WNT2B: variants seen among roughly 807,000 people sequenced by gnomAD.
The protein encoded by WNT2B is protein Wnt-2b.
In WNT2B, 19 loss-of-function variants were observed where a neutral mutation model predicts 40.5. The observed-to-expected ratio is 0.47, with a 90% CI of 0.33 to 0.69. The LOEUF (loss-of-function observed/expected upper bound fraction) is 0.69. WNT2B is among the 30% of genes least tolerant of loss of function. The pLI, the probability that WNT2B is intolerant of heterozygous loss-of-function variation, is 0.02. For synonymous variants in WNT2B, 220 were observed against 211.9 expected (o/e 1.04, Z -0.33); for missense variants, 467 against 556.4 (o/e 0.84, Z 1.62).
Position 112,530,119 on chromosome 1 carries a change from A to T in WNT2B, c.*9610A>T, listed in dbSNP as rs1654127957. On this transcript the variant is annotated 3_prime_UTR_variant, in exon 5 of 5. Coordinates refer to ENST00000369684, the MANE Select transcript of WNT2B (RefSeq NM_024494.3). Reference sequence around the variant, plus strand: ...TGACAAGCTCAGAGAAGTGAGCGACAAGCTAGAGAAGTAATAATTACCAAT... The same window carrying T: ...TGACAAGCTCAGAGAAGTGAGCGACTAGCTAGAGAAGTAATAATTACCAAT... 1 of 152,236 alleles carries T rather than the reference A, an allele frequency of 6.6e-6. No homozygotes were observed. 9.4% of individuals were successfully genotyped at this position (152,236 alleles called of 1,614,324 possible).
Position 112,484,208 on chromosome 1 carries a change from T to TATATATATACACATATATATATACAC in WNT2B, c.-95+16639_-95+16664dup, listed in dbSNP as rs1415575551. On this transcript the variant is annotated intron_variant, in intron 1 of 4. Transcript: ENST00000256640. ...TATAATTTTGTCTCCAAAAATTTTA[T>TATATATATACACATATATATATACAC]ATATATATACACATATATATATACA... Among the ~76,000 whole-genome samples, 73 of 136,588 alleles carry TATATATATACACATATATATATACAC rather than the reference T, an allele frequency of 5.3e-4. 1 individual carries two copies. The highest frequency in any genetic ancestry group is 2.0e-3 in the African/African-American group (66 of 33,374). 89.6% of individuals were successfully genotyped at this position (136,588 alleles called of 152,430 possible). A position where few individuals can be genotyped will look rare whatever the true frequency, so the allele number is the denominator to read the frequency against.
At chr1:112,484,676 G>C (rs1040639463) in intron 1 of WNT2B, among the ~76,000 whole-genome samples, 1 of 151,542 alleles carries the variant, frequency 6.6e-6, no homozygotes, top group African/African-American at 2.4e-5. Context: ...TGAGGTGGGA[G>C]GATTGCTTGA....
At chr1:112,471,730 C>T (rs1238489400) in intron 1 of WNT2B, among the ~76,000 whole-genome samples, 6 of 152,182 alleles carry the variant, frequency 3.9e-5, no homozygotes, top group Non-Finnish European at 7.3e-5. Flanking sequence ...CCTGTAGTAT[C>T]TGGCACTAAA....
In WNT2B at chr1:112,517,395, G is replaced by A. The variant is rs762117957; in HGVS notation, c.946+10G>A. ...TTGGACAAGGCTGCAGGTGAGTAAG[G>A]AAGGCAGGCAGGGACATGCAGTCCC... On this transcript the variant is annotated intron_variant, in intron 4 of 4. Transcript: ENST00000369684. 3.8e-6 allele frequency: 6 copies of A among 1,594,148 alleles called. No individual in the cohort carries two copies. Among genetic ancestry groups the A allele is most frequent in the Non-Finnish European group, 4.3e-6 (5 of 1,165,266 alleles).
At chr1:112,489,447 C>G (rs1651529089) in intron 1 of WNT2B, among the ~76,000 whole-genome samples, 1 of 151,972 alleles carries the variant, frequency 6.6e-6, no homozygotes, top group South Asian at 2.1e-4. Context: ...ACCTATAATC[C>G]CAGCTACTCG....
Position 112,525,996 on chromosome 1 carries a change from C to T in WNT2B, c.*5487C>T, listed in dbSNP as rs373628317. On this transcript the variant is annotated 3_prime_UTR_variant, in exon 5 of 5. Transcript: ENST00000369684. ...AAATTTGGTGATTTGTCCAAGGTCA[C>T]ATGAACAGTGCGTGGCTCAGCCAGA... 9 of 1,613,910 alleles carry T rather than the reference C, an allele frequency of 5.6e-6. No individual in the cohort carries two copies. The highest frequency in any genetic ancestry group is 1.1e-5 in the South Asian group (1 of 91,058).
chr1:112,505,622 G>T (rs1652084524), upstream of WNT2B, among the ~76,000 whole-genome samples: 1 of 152,260 alleles, frequency 6.6e-6, no homozygotes, highest in African/African-American at 2.4e-5. Context: ...GAGGAGCTGA[G>T]CTCTCCAGTA....
chr1:112,499,188 A>G (rs1651869980), intron 1 of WNT2B, among the ~76,000 whole-genome samples: 1 of 143,356 alleles, frequency 7.0e-6, no homozygotes, highest in South Asian at 2.4e-4. Context: ...CCTGGGCGAC[A>G]GAGCAAGACT....
At position 112,521,139 on chromosome 1, in the gene WNT2B, T is replaced by C. The variant is rs1652846757; in HGVS notation, c.*630T>C. ...ACAAACACACATTCATTCTCTCTTT[T>C]TCTCTCTACCATTCTCAACCTGTAT... On this transcript the variant is annotated 3_prime_UTR_variant, in exon 5 of 5. Coordinates refer to ENST00000369684, the MANE Select transcript of WNT2B (RefSeq NM_024494.3). The C allele has an allele frequency of 6.5e-6, 1 of 153,242 alleles. No homozygotes were observed. The highest frequency in any genetic ancestry group is 1.9e-4 in the East Asian group (1 of 5,198). The allele number at this position is 153,242 out of a possible 1,614,324, so 9.5% of individuals were successfully genotyped here.
Position 112,528,778 on chromosome 1 carries a change from T to C in WNT2B, c.*8269T>C, listed in dbSNP as rs757488879. On this transcript the variant is annotated 3_prime_UTR_variant, in exon 5 of 5. Transcript: ENST00000369684. ...GGTCCTACATATTCTACTTGGTATA[T>C]TGAATTTTTGCAGCTAGCAGATTTA... 6.6e-5 allele frequency: 10 copies of C among 152,198 alleles called. No homozygotes were observed. Among genetic ancestry groups the C allele is most frequent in the Non-Finnish European group, 8.8e-5 (6 of 68,012 alleles). 9.4% of individuals were successfully genotyped at this position (152,198 alleles called of 1,614,324 possible). A position where few individuals can be genotyped will look rare whatever the true frequency, so the allele number is the denominator to read the frequency against.
intron 1 of WNT2B, among the ~76,000 whole-genome samples, chr1:112,501,977 C>T (rs2101074571): frequency 6.6e-6 from 1 of 152,378 alleles, no homozygotes; most frequent in Non-Finnish European, 1.5e-5. Context: ...CATGCCTTTC[C>T]CGCGAACGCC....
Position 112,517,383 on chromosome 1 carries a change from C to T in WNT2B, c.944C>T (p.Ala315Val). 1 of 1,599,252 alleles carries T rather than the reference C, an allele frequency of 6.3e-7. No homozygotes were observed. The highest frequency in any genetic ancestry group is 1.1e-5 in the South Asian group (1 of 90,294). Residue 315 changes from alanine (A) to valine (V), a missense_variant and splice_region_variant, in exon 4 of 5, where the codon GCA (alanine) becomes GTA (valine). This residue lies in a region of WNT2B where 330 missense variants were observed against 438.6 expected (regional missense o/e 0.75). Coordinates refer to ENST00000369684, the MANE Select transcript of WNT2B (RefSeq NM_024494.3). Reference sequence around the variant, plus strand: ...GATTACTGTGTCTTGGACAAGGCTGCAGGTGAGTAAGGAAGGCAGGCAGGG... The same window carrying T: ...GATTACTGTGTCTTGGACAAGGCTGTAGGTGAGTAAGGAAGGCAGGCAGGG... ...SPDYCVLDKA[A>V]GSLGTAGRVC...
In WNT2B at chr1:112,522,082, G is replaced by A. The variant is rs1652914182; in HGVS notation, c.*1573G>A. On this transcript the variant is annotated 3_prime_UTR_variant, in exon 5 of 5. Transcript: ENST00000369684. ...GTCTCGCTTTGTTGCCCAGGCTGGA[G>A]TGCACTGGCATGATCATGGCTCACT... 1 of 151,982 alleles carries A rather than the reference G, an allele frequency of 6.6e-6. No homozygotes were observed. The highest frequency in any genetic ancestry group is 1.5e-5 in the Non-Finnish European group (1 of 68,054). 9.4% of individuals were successfully genotyped at this position (151,982 alleles called of 1,614,324 possible). A position where few individuals can be genotyped will look rare whatever the true frequency, so the allele number is the denominator to read the frequency against.
rs1229646669 is a variant in WNT2B, at chr1:112,524,757, C to T, written c.*4248C>T. ...GCCTGAGCACAACCATGAGGTTACA[C>T]ACACACACACAGAGGTGTACATATA... is the stretch of plus-strand genomic sequence containing the variant. On this transcript the variant is annotated 3_prime_UTR_variant, in exon 5 of 5. Coordinates refer to ENST00000369684, the MANE Select transcript of WNT2B (RefSeq NM_024494.3). 1.3e-5 allele frequency: 2 copies of T among 152,120 alleles called. No individual in the cohort carries two copies. The highest frequency in any genetic ancestry group is 2.9e-5 in the Non-Finnish European group (2 of 68,052). 9.4% of individuals were successfully genotyped at this position (152,120 alleles called of 1,614,324 possible). A position where few individuals can be genotyped will look rare whatever the true frequency, so the allele number is the denominator to read the frequency against.
intron 4 of WNT2B, among the ~76,000 whole-genome samples, chr1:112,519,449 G>A (rs1652737513): frequency 6.6e-6 from 1 of 152,094 alleles, no homozygotes; most frequent in African/African-American, 2.4e-5. Context: ...CCATGGAAAA[G>A]CTTGGAGTAG....
chr1:112,482,682 AG>A (rs1206978060), intron 1 of WNT2B, among the ~76,000 whole-genome samples: 1 of 152,212 alleles, frequency 6.6e-6, no homozygotes, highest in Non-Finnish European at 1.5e-5. Context: ...AAGAAAATTA[AG>A]GAAACAATCC....
At chr1:112,493,940 CAAA>C (rs79773849) in intron 1 of WNT2B, among the ~76,000 whole-genome samples, 1 of 138,866 alleles carries the variant, frequency 7.2e-6, no homozygotes, top group Admixed American at 7.0e-5. Flanking sequence ...AAATCTAAGA[CAAA>C]AAAAAAAAAA....
chr1:112,511,498 T>G (rs1347116077), intron 1 of WNT2B, among the ~76,000 whole-genome samples: 1 of 152,230 alleles, frequency 6.6e-6, no homozygotes, highest in Non-Finnish European at 1.5e-5. Context: ...ATTGATGTTC[T>G]GTACAACCCG....
chr1:112,518,571 G>A (rs770019268), intron 4 of WNT2B: 4 of 152,164 alleles, frequency 2.6e-5, no homozygotes, highest in Non-Finnish European at 5.9e-5. Flanking sequence ...CTGCCACTAA[G>A]TATACTTTCC....
Sources: gnomAD v4.1 joint callset for allele counts (sites outside exome capture counted in the v4.1 genomes callset) on GRCh38, gnomAD v4.1.1 for gene constraint, gnomAD v4.1.1 regional missense constraint, MANE v1.5 for transcripts, NCBI Gene and HGNC (gene_info 2026-07-23, HGNC 2026-07-21) for gene names.